Variants in WDR11 observed in about 807,000 individuals in gnomAD.
WDR11 encodes WD repeat-containing protein 11.
WDR11 carries 83 observed loss-of-function variants against 151.2 expected under a neutral mutation model. That is an observed-to-expected ratio of 0.55 (90% CI 0.46 to 0.66). WDR11 has a LOEUF of 0.66. Ranked by LOEUF, WDR11 falls within the 30% of genes least tolerant of loss-of-function variation. The pLI is 0.00. For synonymous variants in WDR11, 484 were observed against 533.1 expected (o/e 0.91, Z 1.27); for missense variants, 1,301 against 1,480.9 (o/e 0.88, Z 1.99).
At chr10:120,871,370 T>A in intron 10 of WDR11, 24 bp downstream of exon 10, 1 of 1,607,928 alleles carries the variant, frequency 6.2e-7, no homozygotes, top group South Asian at 1.1e-5. Flanking sequence ...CTGGTCTTTT[T>A]TTTTTTAACT....
Position 120,873,819 on chromosome 10 carries a change from C to G in WDR11, c.1472-20C>G, listed in dbSNP as rs770174555. The G allele has an allele frequency of 7.0e-6, 11 of 1,568,384 alleles. No individual in the cohort carries two copies. The highest frequency in any genetic ancestry group is 8.8e-6 in the Non-Finnish European group (10 of 1,138,470). On this transcript the variant is annotated intron_variant, in intron 10 of 28. Transcript: ENST00000263461. The stretch of plus-strand genomic sequence containing the variant: ...GAACTCCCACTGAATTAATGCTCTT[C>G]CATGATGTCATTTTGAAAGGTACAA...
At chr10:120,899,887 G>A (rs961438374) in intron 19 of WDR11, 142 bp from the exon 20 acceptor site, 34 of 694,776 alleles carry the variant, frequency 4.9e-5, no homozygotes, top group African/African-American at 1.6e-4. Flanking sequence ...TTTCCTAAGC[G>A]GTGACTACAT....
intron 22 of WDR11, 149 bp from the exon 23 acceptor site, chr10:120,902,906 G>T: frequency 7.4e-6 from 6 of 809,888 alleles, no homozygotes; most frequent in Non-Finnish European, 1.2e-5. Flanking sequence ...AGGAGAACTT[G>T]CTGCCTCCCC....
At chr10:120,898,668 A>G (rs1847700207) in intron 19 of WDR11, among the ~76,000 whole-genome samples, 1 of 152,048 alleles carries the variant, frequency 6.6e-6, no homozygotes, top group Admixed American at 6.6e-5. Context: ...GTGAGTTCTT[A>G]GGAGATCTGA....
intron 5 of WDR11, 110 bp downstream of exon 5, chr10:120,863,031 C>A: frequency 1.3e-6 from 1 of 789,518 alleles, no homozygotes. Flanking sequence ...TTTCTCATTT[C>A]TAATTTTGAA....
intron 10 of WDR11, 82 bp from the exon 11 acceptor site, chr10:120,873,757 T>A: frequency 1.1e-6 from 1 of 906,742 alleles, no homozygotes; most frequent in South Asian, 1.3e-5. Context: ...GTTAAGTGAT[T>A]AAAGTCTTGA....
In WDR11 at chr10:120,890,701, A is replaced by C; in HGVS notation, c.2344-15A>C. ...CTTTTCTGTCTGGAAGTGATGCCCA[A>C]ATTCACTCTTGAAGGTTCAGATGGT... On this transcript the variant is annotated splice_polypyrimidine_tract_variant and intron_variant, in intron 18 of 28. Coordinates refer to ENST00000263461, the MANE Select transcript of WDR11 (RefSeq NM_018117.12). 8 of 1,614,102 alleles carry C rather than the reference A, an allele frequency of 5.0e-6. No individual in the cohort carries two copies. Among genetic ancestry groups the C allele is most frequent in the Admixed American group, 1.7e-5 (1 of 60,018 alleles).
chr10:120,884,931 A>G (rs1420016066), intron 14 of WDR11: 1 of 152,264 alleles, frequency 6.6e-6, no homozygotes, highest in Non-Finnish European at 1.5e-5. Flanking sequence ...CTGGACAGCC[A>G]TATAGTGTTA....
intron 11 of WDR11, among the ~76,000 whole-genome samples, chr10:120,874,215 TTG>T: frequency 4.0e-5 from 5 of 126,402 alleles, no homozygotes; most frequent in Admixed American, 7.9e-5. Context: ...GTTGTTTGTT[TTG>T]TTTTGTTTTG....
In WDR11 at chr10:120,909,082, T is replaced by C. The variant is rs575567704; in HGVS notation, c.*369T>C. On this transcript the variant is annotated 3_prime_UTR_variant, in exon 29 of 29. Transcript: ENST00000263461. ...AGATTATTGAGAAACCTATAGTAAA[T>C]GAAATTTGTGAGATGTTTTCTCAAA... 2.3e-4 allele frequency: 62 copies of C among 273,542 alleles called. No homozygotes were observed. In the South Asian group the frequency reaches 2.8e-3, roughly 12 times the overall value. 16.9% of individuals were successfully genotyped at this position (273,542 alleles called of 1,614,324 possible). A position where few individuals can be genotyped will look rare whatever the true frequency, so the allele number is the denominator to read the frequency against.
In WDR11 at chr10:120,886,814, A is replaced by G. The variant is rs1470325645; in HGVS notation, c.2099A>G (p.Asp700Gly). 12 of 1,614,102 alleles carry G rather than the reference A, an allele frequency of 7.4e-6. No individual in the cohort carries two copies. The highest frequency in any genetic ancestry group is 1.0e-5 in the Non-Finnish European group (12 of 1,179,974). The change falls in exon 16 of 29, where the codon GAC becomes GGC. Residue 700 changes from aspartate (D) to glycine (G), a missense_variant. By Grantham distance (94) the Asp-to-Gly change is moderately conservative. This residue lies in a region of WDR11 where 589 missense variants were observed against 670.6 expected (regional missense o/e 0.88). Transcript: ENST00000263461. ...HLTVEGNSVKDSARIPPDGSM... is the reference protein window; with the variant it reads ...HLTVEGNSVKGSARIPPDGSM... ...ACTGTTGAAGGAAACTCAGTAAAAG[A>G]CAGTGCTCGGATTCCACCAGATGTG...
intron 12 of WDR11, among the ~76,000 whole-genome samples, chr10:120,878,678 T>C (rs550260301): frequency 2.0e-4 from 31 of 152,196 alleles, no homozygotes; most frequent in Non-Finnish European, 4.6e-4. Flanking sequence ...GGAGGACCAT[T>C]AGCCTGAACA....
At chr10:120,890,100 A>G in intron 18 of WDR11, 91 bp downstream of exon 18, 1 of 874,240 alleles carries the variant, frequency 1.1e-6, no homozygotes, top group Non-Finnish European at 1.9e-6. Flanking sequence ...TTTAGAAATG[A>G]AAAGTACTTA....
At chr10:120,855,604 TG>T (rs202041627) in intron 2 of WDR11, among the ~76,000 whole-genome samples, 2 of 152,198 alleles carry the variant, frequency 1.3e-5, no homozygotes, top group East Asian at 3.8e-4. Context: ...TATATACCTT[TG>T]TTTTTTTCTT....
intron 24 of WDR11, 47 bp from the exon 25 acceptor site, chr10:120,904,598 GT>G: frequency 6.2e-7 from 1 of 1,610,064 alleles, no homozygotes. Flanking sequence ...AAAAAGTTAT[GT>G]TGGAGGAAAA....
At chr10:120,907,363 A>T (rs1179842141) in intron 28 of WDR11, 1 of 164,542 alleles carries the variant, frequency 6.1e-6, no homozygotes, top group African/African-American at 2.4e-5. Context: ...TAATCCACCC[A>T]TCAGCCAGAA....
Position 120,908,286 on chromosome 10 carries a change from G to A in WDR11, c.3518-270G>A, listed in dbSNP as rs1208919347. On this transcript the variant is annotated intron_variant, in intron 28 of 28. Transcript: ENST00000263461. ...AGTTGAGTGTAGGTTATGGGAGGAT[G>A]TTGGTTGGGTCTTCTGGAAGGAGAA... 2.3e-5 allele frequency: 9 copies of A among 383,646 alleles called. No homozygotes were observed. In the East Asian group the frequency reaches 4.2e-4, roughly 18 times the overall value. 23.8% of individuals were successfully genotyped at this position (383,646 alleles called of 1,614,324 possible).
intron 14 of WDR11, chr10:120,884,887 C>T (rs1847160934): frequency 6.6e-6 from 1 of 152,142 alleles, no homozygotes; most frequent in Non-Finnish European, 1.5e-5. Context: ...ATGTTCAAAC[C>T]ATGATATGGA....
At position 120,858,804 on chromosome 10, in the gene WDR11, A is replaced by T. The variant is rs1267107095; in HGVS notation, c.352+8A>T. Reference sequence around the variant, plus strand: ...ATGCCAAGCCTATCCAGGGTGAGGAAAGTCTGCTCAGCTAAGTGTGTATAT... The same window carrying T: ...ATGCCAAGCCTATCCAGGGTGAGGATAGTCTGCTCAGCTAAGTGTGTATAT... On this transcript the variant is annotated splice_region_variant and intron_variant, in intron 3 of 28. Transcript: ENST00000263461. The T allele has an allele frequency of 6.2e-7, 1 of 1,614,122 alleles. No homozygotes were observed. Among genetic ancestry groups the T allele is most frequent in the Non-Finnish European group, 8.5e-7 (1 of 1,179,996 alleles).
Sources: allele counts gnomAD v4.1 joint callset (sites outside exome capture counted in the v4.1 genomes callset), GRCh38; gene constraint gnomAD v4.1.1; regional missense constraint gnomAD v4.1.1; transcripts MANE v1.5; gene names NCBI Gene and HGNC (gene_info 2026-07-23, HGNC 2026-07-21).